Variants in ELAVL2 observed in about 807,000 individuals in gnomAD.
ELAVL2 encodes the protein ELAV like RNA binding protein 2.
A neutral mutation model predicts 34.6 loss-of-function variants in ELAVL2; 4 were observed. The ratio of observed to expected loss-of-function variants is 0.12; its 90% CI spans 0.06 to 0.26. ELAVL2 has a LOEUF of 0.26. Among genes scored for constraint, ELAVL2 ranks in the 10% least tolerant of loss-of-function variants. The probability of loss-of-function intolerance (pLI) is 1.00; values close to 1 mark genes in which losing one functional copy is unlikely to be tolerated. For missense variants in ELAVL2, 432 were observed against 442.8 expected (o/e 0.98, Z 0.22); for synonymous variants, 193 against 154.8 (o/e 1.25, Z -1.83).
At chr9:23,826,338 C>A (rs1588883483), upstream of ELAVL2, 1 of 152,452 alleles carries the variant, frequency 6.6e-6, no homozygotes, top group Non-Finnish European at 1.5e-5. Context: ...TGCCAGGCTC[C>A]TATCCCGGGC....
intron 2 of ELAVL2, among the ~76,000 whole-genome samples, chr9:23,753,268 G>A (rs1031676404): frequency 5.3e-5 from 8 of 152,148 alleles, no homozygotes; most frequent in Non-Finnish European, 7.4e-5. Context: ...TCAGCTGAAA[G>A]TCAATTAACT....
intron 4 of ELAVL2, 98 bp from the exon 5 acceptor site, chr9:23,701,702 GT>G (rs1477639776): frequency 2.2e-5 from 27 of 1,246,612 alleles, no homozygotes; most frequent in Non-Finnish European, 2.7e-5. Flanking sequence ...TCAAGAACAT[GT>G]TTTCACCTAC....
intron 2 of ELAVL2, among the ~76,000 whole-genome samples, chr9:23,741,862 G>A (rs2049286709): frequency 6.6e-6 from 1 of 152,032 alleles, no homozygotes; most frequent in Non-Finnish European, 1.5e-5. Context: ...CAGTTTGCTG[G>A]CTCCCATTAA....
At chr9:23,842,760 T>G in the ELAVL2 span, among the ~76,000 whole-genome samples, 1 of 152,096 alleles carries the variant, frequency 6.6e-6, no homozygotes, top group Non-Finnish European at 1.5e-5. Flanking sequence ...ACTCAAAATC[T>G]CTCCCTTCTC....
upstream of ELAVL2, among the ~76,000 whole-genome samples, chr9:23,827,849 T>C (rs1416123084): frequency 1.3e-5 from 2 of 152,198 alleles, no homozygotes; most frequent in East Asian, 3.9e-4. Flanking sequence ...CCGTGTAGCC[T>C]GTATAACAAT....
chr9:23,774,086 C>A (rs565855975), intron 1 of ELAVL2, among the ~76,000 whole-genome samples: 131 of 151,768 alleles, frequency 8.6e-4, no homozygotes, highest in African/African-American at 2.9e-3. Flanking sequence ...TGGCGGGCGC[C>A]TGTAGTCCCA....
intron 1 of ELAVL2, among the ~76,000 whole-genome samples, chr9:23,786,988 AATGGAATAAAACATCACTG>A: frequency 6.6e-6 from 1 of 152,304 alleles, no homozygotes; most frequent in South Asian, 2.1e-4. Flanking sequence ...TTAAGCACAC[AATGGAATAAAACATCACTG>A]AGGAACTTGG....
chr9:23,816,594 T>C (rs2063755021), intron 1 of ELAVL2, among the ~76,000 whole-genome samples: 1 of 151,668 alleles, frequency 6.6e-6, no homozygotes, highest in African/African-American at 2.4e-5. Flanking sequence ...CAATTTATGA[T>C]GGTTCAAACT....
At chr9:23,699,841 T>G (rs1189210669) in intron 5 of ELAVL2, among the ~76,000 whole-genome samples, 2 of 93,990 alleles carry the variant, frequency 2.1e-5, no homozygotes, top group South Asian at 4.3e-4. Flanking sequence ...TTTTTTTTTT[T>G]TTTTTTTTTT....
chr9:23,704,679 G>C (rs2038720297), intron 4 of ELAVL2, among the ~76,000 whole-genome samples: 1 of 152,186 alleles, frequency 6.6e-6, no homozygotes, highest in Non-Finnish European at 1.5e-5. Flanking sequence ...TACAAGCCAT[G>C]AAACAGGCTT....
At chr9:23,801,166 C>T (rs955773496) in intron 1 of ELAVL2, among the ~76,000 whole-genome samples, 6 of 152,088 alleles carry the variant, frequency 3.9e-5, no homozygotes, top group East Asian at 1.9e-4. Flanking sequence ...TAGGTACACG[C>T]ACCCAGGAAT....
chr9:23,776,381 A>C (rs1294292967), intron 1 of ELAVL2, among the ~76,000 whole-genome samples: 1 of 152,164 alleles, frequency 6.6e-6, no homozygotes, highest in African/African-American at 2.4e-5. Context: ...TCACAGTTCA[A>C]AATAAGCCAA....
At chr9:23,806,077 A>G (rs2062183277) in intron 1 of ELAVL2, among the ~76,000 whole-genome samples, 1 of 152,216 alleles carries the variant, frequency 6.6e-6, no homozygotes, top group African/African-American at 2.4e-5. Flanking sequence ...TAATAAAGTC[A>G]TCTTAAAATA....
At chr9:23,720,243 G>A (rs1368410674) in intron 3 of ELAVL2, among the ~76,000 whole-genome samples, 1 of 151,464 alleles carries the variant, frequency 6.6e-6, no homozygotes, top group African/African-American at 2.4e-5. Context: ...TGTAATCTCG[G>A]CTCACAGCAA....
chr9:23,701,384 A>G lies in ELAVL2; in HGVS notation c.708T>C (p.Arg236=). The stretch of plus-strand genomic sequence containing the variant: ...AAGAACCAAACCAGACTTACCTAAA[A>G]CGCTGTGCCTGCTGAGCTAGCGGTC... The part of the protein sequence containing the change: ...YPGPLAQQAQ[R]FRLDNLLNMA... Residue 236 remains arginine, a synonymous_variant, in exon 5 of 7, where the codon CGT becomes CGC. Coordinates refer to ENST00000397312, the MANE Select transcript of ELAVL2 (RefSeq NM_004432.5). The G allele has an allele frequency of 6.2e-7, 1 of 1,613,992 alleles. No individual in the cohort carries two copies. The highest frequency in any genetic ancestry group is 1.1e-5 in the South Asian group (1 of 91,072).
At chr9:23,733,716 C>A (rs539156194) in intron 2 of ELAVL2, among the ~76,000 whole-genome samples, 6 of 152,290 alleles carry the variant, frequency 3.9e-5, no homozygotes, top group African/African-American at 1.4e-4. Flanking sequence ...TTAGCTGTTT[C>A]CCACTCTAGC....
intron 2 of ELAVL2, among the ~76,000 whole-genome samples, chr9:23,758,039 G>C (rs1217087647): frequency 6.6e-6 from 1 of 152,100 alleles, no homozygotes; most frequent in Non-Finnish European, 1.5e-5. Flanking sequence ...TGACTCCAGA[G>C]TTTTCCTGTA....
At chr9:23,751,260 A>C (rs1321993673) in intron 2 of ELAVL2, among the ~76,000 whole-genome samples, 1 of 152,182 alleles carries the variant, frequency 6.6e-6, no homozygotes, top group Non-Finnish European at 1.5e-5. Context: ...ACTCATTAAG[A>C]GCTAAAAATA....
intron 1 of ELAVL2, among the ~76,000 whole-genome samples, chr9:23,792,208 G>T (rs181815233): frequency 8.8e-4 from 134 of 152,298 alleles, no homozygotes; most frequent in Admixed American, 2.5e-3. Flanking sequence ...AGTGTTCTAA[G>T]CAGATTTAAG....
Sources: gnomAD v4.1 joint callset for allele counts (sites outside exome capture counted in the v4.1 genomes callset) on GRCh38, gnomAD v4.1.1 for gene constraint, MANE v1.5 for transcripts, NCBI Gene and HGNC (gene_info 2026-07-23, HGNC 2026-07-21) for gene names.